Variants in VSTM4 observed in about 807,000 individuals in gnomAD.
VSTM4 encodes the protein V-set and transmembrane domain containing 4.
In VSTM4, 20 loss-of-function variants were observed where a neutral mutation model predicts 36.4. That is an observed-to-expected ratio of 0.55 (90% CI 0.39 to 0.80). VSTM4 has a LOEUF of 0.80. VSTM4 is among the 30% of genes least tolerant of loss of function. The pLI, the probability that VSTM4 is intolerant of heterozygous loss-of-function variation, is 0.00. For synonymous variants in VSTM4, 182 were observed against 173.9 expected (o/e 1.05, Z -0.37); for missense variants, 392 against 404.5 (o/e 0.97, Z 0.26).
At chr10:49,074,104 C>G (rs377334043) in intron 4 of VSTM4, among the ~76,000 whole-genome samples, 1 of 152,196 alleles carries the variant, frequency 6.6e-6, no homozygotes, top group Non-Finnish European at 1.5e-5. Context: ...AGGTGCTTAT[C>G]TAGCGTTTAT....
At chr10:49,045,274 T>C (rs1342899410) in intron 7 of VSTM4, among the ~76,000 whole-genome samples, 2 of 151,866 alleles carry the variant, frequency 1.3e-5, no homozygotes, top group South Asian at 2.1e-4. Flanking sequence ...ACAAAATAAA[T>C]AATTATGTAG....
At chr10:49,020,503 T>C (rs1391219700) in intron 7 of VSTM4, among the ~76,000 whole-genome samples, 1 of 151,190 alleles carries the variant, frequency 6.6e-6, no homozygotes, top group Non-Finnish European at 1.5e-5. Context: ...AAAGCGTAAG[T>C]GAATAAAATA....
intron 2 of VSTM4, among the ~76,000 whole-genome samples, chr10:49,087,894 TTA>T (rs58439546): frequency 0.07 from 10,269 of 147,088 alleles, 1,097 homozygotes; most frequent in African/African-American, 0.23. Flanking sequence ...ATATATATAA[TTA>T]TATATGTTAT....
intron 2 of VSTM4, chr10:49,103,962 A>T (rs1844717775): frequency 2.1e-6 from 2 of 956,778 alleles, no homozygotes; most frequent in Non-Finnish European, 3.2e-6. Flanking sequence ...TTGATATTCT[A>T]ACCCAAAGGT....
chr10:49,050,129 C>T (rs556822129), intron 5 of VSTM4, among the ~76,000 whole-genome samples: 4 of 152,254 alleles, frequency 2.6e-5, no homozygotes, highest in South Asian at 2.1e-4. Flanking sequence ...GAAGAAGCTA[C>T]GTGTGTCCTG....
chr10:49,076,372 T>A (rs1564584642), intron 4 of VSTM4, among the ~76,000 whole-genome samples: 1 of 152,196 alleles, frequency 6.6e-6, no homozygotes, highest in Non-Finnish European at 1.5e-5. Context: ...CTCCTCCATG[T>A]CGCAGATGAG....
intron 3 of VSTM4, among the ~76,000 whole-genome samples, chr10:49,081,601 C>T (rs1223030914): frequency 6.6e-6 from 1 of 152,236 alleles, no homozygotes; most frequent in East Asian, 1.9e-4. Context: ...TCAAAAGGCC[C>T]AAGCTACAGT....
Position 49,019,566 on chromosome 10 carries a change from T to C in VSTM4, c.*84A>G, listed in dbSNP as rs1052278547. 1 of 1,475,682 alleles carries C rather than the reference T, an allele frequency of 6.8e-7. No individual in the cohort carries two copies. The allele number at this position is 1,475,682 out of a possible 1,614,324, so 91.4% of individuals were successfully genotyped here. A position where few individuals can be genotyped will look rare whatever the true frequency, so the allele number is the denominator to read the frequency against. On this transcript the variant is annotated 3_prime_UTR_variant, in exon 8 of 8. Coordinates refer to ENST00000332853, the MANE Select transcript of VSTM4 (RefSeq NM_001031746.5). The stretch of plus-strand genomic sequence containing the variant: ...ACCACTCAGAAGGCATGAGTGAAAA[T>C]ACAGACATAAGGGCTTTGTCTCCAA...
rs115390765 is a variant in VSTM4 at position 49,038,021 on chromosome 10, T to C, written c.837+8962A>G. Among the ~76,000 whole-genome samples the C allele has an allele frequency of 4.4e-3, 669 of 151,484 alleles. 8 individuals carry two copies. The highest frequency in any genetic ancestry group is 0.015 in the African/African-American group (626 of 41,360). The stretch of plus-strand genomic sequence containing the variant: ...GTGTGCTCTTTGTAGGAATGTAAAA[T>C]GGTGCAGCTGATTTGGAAAACAGTG... On this transcript the variant is annotated intron_variant, in intron 7 of 7. Coordinates refer to ENST00000332853, the MANE Select transcript of VSTM4 (RefSeq NM_001031746.5).
chr10:49,046,865 TG>T (rs1843618289), intron 7 of VSTM4, 117 bp downstream of exon 7: 1 of 1,017,000 alleles, frequency 9.8e-7, no homozygotes, highest in Non-Finnish European at 1.5e-6. Context: ...TGTTTTTGTT[TG>T]GGGACAAAAG....
At chr10:49,024,127 T>C (rs1843221747) in intron 7 of VSTM4, among the ~76,000 whole-genome samples, 1 of 152,222 alleles carries the variant, frequency 6.6e-6, no homozygotes. Flanking sequence ...GGTTTTACTT[T>C]ATTTTCCATT....
chr10:49,082,110 T>C (rs1036177575), intron 3 of VSTM4, among the ~76,000 whole-genome samples: 5 of 152,216 alleles, frequency 3.3e-5, no homozygotes, highest in Admixed American at 6.5e-5. Flanking sequence ...CTTCCTGTCA[T>C]GTCAGCTAAT....
intron 5 of VSTM4, among the ~76,000 whole-genome samples, chr10:49,060,808 T>G (rs1843864532): frequency 6.6e-6 from 1 of 152,224 alleles, no homozygotes; most frequent in African/African-American, 2.4e-5. Context: ...CTTTTATGTT[T>G]AGGTCTAAGA....
intron 7 of VSTM4, among the ~76,000 whole-genome samples, chr10:49,029,747 A>G (rs1843316597): frequency 6.6e-6 from 1 of 152,234 alleles, no homozygotes; most frequent in African/African-American, 2.4e-5. Context: ...CACACCACTC[A>G]GTAGGCAGTA....
At position 49,077,832 on chromosome 10, in the gene VSTM4, A is replaced by T. The variant is rs574300847; in HGVS notation, c.527-506T>A. ...TACTATACTTGACTTTACCAAAATT[A>T]AAAACTGATGTTCTGTAAACAAACA... is the stretch of plus-strand genomic sequence containing the variant. On this transcript the variant is annotated intron_variant, in intron 3 of 7. Transcript: ENST00000332853. 1.1e-3 allele frequency among the ~76,000 whole-genome samples: 160 copies of T among 152,330 alleles called. 5 individuals carry two copies. The South Asian group carries it at 0.031, about 30-fold the overall frequency.
intron 1 of VSTM4, among the ~76,000 whole-genome samples, chr10:49,114,681 G>A (rs930691501): frequency 5.3e-5 from 8 of 152,178 alleles, no homozygotes; most frequent in Admixed American, 1.3e-4. Context: ...TAGGCACCCA[G>A]GGAAAGTGAC....
intron 7 of VSTM4, among the ~76,000 whole-genome samples, chr10:49,030,850 C>T (rs188187592): frequency 7.7e-4 from 117 of 152,328 alleles, no homozygotes; most frequent in African/African-American, 2.6e-3. Context: ...ATCAGACAGA[C>T]AGATGCCTGT....
At chr10:49,023,835 G>A (rs12569955) in intron 7 of VSTM4, among the ~76,000 whole-genome samples, 5,269 of 152,258 alleles carry the variant, frequency 0.035, 261 homozygotes, top group African/African-American at 0.1. Context: ...TGGAACTCAG[G>A]ATAGAAGCTT....
chr10:49,104,685 G>C (rs7067828), intron 2 of VSTM4, among the ~76,000 whole-genome samples: 1 of 152,302 alleles, frequency 6.6e-6, no homozygotes, highest in Admixed American at 6.5e-5. Context: ...GGCAAGGGAG[G>C]CTGAGCTCCG....
Sources: allele counts gnomAD v4.1 joint callset (sites outside exome capture counted in the v4.1 genomes callset), GRCh38; gene constraint gnomAD v4.1.1; transcripts MANE v1.5; gene names NCBI Gene and HGNC (gene_info 2026-07-23, HGNC 2026-07-21).